Variants in TEX11 observed in about 807,000 individuals in gnomAD.
TEX11 encodes the protein testis-expressed protein 11.
In TEX11, 7 loss-of-function variants were observed where a neutral mutation model predicts 84.4. The ratio of observed to expected loss-of-function variants is 0.08; its 90% CI spans 0.05 to 0.16. TEX11 has a LOEUF of 0.16. Among genes scored for constraint, TEX11 ranks in the 10% least tolerant of loss-of-function variants. The pLI is 1.00. For synonymous variants in TEX11, 264 were observed against 222.8 expected (o/e 1.18, Z -1.64); for missense variants, 551 against 660.5 (o/e 0.83, Z 1.82).
intron 25 of TEX11, among the ~76,000 whole-genome samples, chrX:70,589,193 G>A (rs753142583): frequency 9.1e-6 from 1 of 110,157 alleles, no homozygotes; most frequent in East Asian, 2.8e-4. Flanking sequence ...ATAATGTACT[G>A]TTTTCCAATA....
At chrX:70,666,920 C>T (rs1251371437) in intron 16 of TEX11, among the ~76,000 whole-genome samples, 3 of 111,781 alleles carry the variant, frequency 2.7e-5, no homozygotes, top group African/African-American at 6.5e-5. Flanking sequence ...ACCATTCATC[C>T]GCCTCTGAAA....
intron 21 of TEX11, among the ~76,000 whole-genome samples, chrX:70,610,025 C>T (rs2089240237): frequency 9.2e-6 from 1 of 108,785 alleles, no homozygotes; most frequent in South Asian, 4.1e-4. Flanking sequence ...AAAAAAACAG[C>T]AGGGTTCAGA....
intron 8 of TEX11, among the ~76,000 whole-genome samples, chrX:70,821,266 A>C (rs1174955051): frequency 8.9e-6 from 1 of 111,996 alleles, no homozygotes; most frequent in Non-Finnish European, 1.9e-5. Context: ...AATGGCCAAC[A>C]GGTGTATGAA....
chrX:70,700,661 A>T (rs1036108636), intron 13 of TEX11, among the ~76,000 whole-genome samples: 1 of 111,467 alleles, frequency 9.0e-6, no homozygotes, highest in Non-Finnish European at 1.9e-5. Flanking sequence ...ATATTCACAT[A>T]TCTCTCATTT....
chrX:70,808,905 A>G, intron 8 of TEX11, among the ~76,000 whole-genome samples: 2 of 111,791 alleles, frequency 1.8e-5, no homozygotes, highest in East Asian at 5.6e-4. Context: ...AGACATGCAA[A>G]CTCTTCAAAC....
chrX:70,738,751 A>C (rs751090345), intron 11 of TEX11, among the ~76,000 whole-genome samples: 1 of 112,225 alleles, frequency 8.9e-6, no homozygotes, highest in South Asian at 3.8e-4. Context: ...CATATACAGC[A>C]TGGAATACTA....
intron 4 of TEX11, 49 bp downstream of exon 4, chrX:70,873,174 A>G: frequency 1.4e-6 from 1 of 734,716 alleles, no homozygotes; most frequent in Non-Finnish European, 2.1e-6. Flanking sequence ...ACTACCCAAT[A>G]TATAGTAAGA....
At chrX:70,726,894 T>C (rs2090603962) in intron 11 of TEX11, among the ~76,000 whole-genome samples, 1 of 106,194 alleles carries the variant, frequency 9.4e-6, no homozygotes. Context: ...AGTGCAGTGG[T>C]ACAAACACGG....
chrX:70,679,798 C>CCCGG (rs1455692774), intron 14 of TEX11, among the ~76,000 whole-genome samples: 2 of 101,945 alleles, frequency 2.0e-5, no homozygotes, highest in Admixed American at 1.0e-4. Flanking sequence ...CAGCCCCCCG[C>CCCGG]CCGGCCAGCC....
intron 9 of TEX11, among the ~76,000 whole-genome samples, chrX:70,771,146 A>C (rs897493095): frequency 8.9e-6 from 1 of 112,438 alleles, no homozygotes; most frequent in Non-Finnish European, 1.9e-5. Context: ...TGCTGAAAAA[A>C]CTATGATCTG....
intron 24 of TEX11, among the ~76,000 whole-genome samples, chrX:70,594,425 A>C (rs1213925731): frequency 6.3e-5 from 7 of 111,389 alleles, no homozygotes; most frequent in Non-Finnish European, 1.3e-4. Context: ...AGCATTAATT[A>C]TATAATTATA....
intron 4 of TEX11, among the ~76,000 whole-genome samples, chrX:70,868,338 C>T (rs1473403932): frequency 1.8e-5 from 2 of 112,056 alleles, no homozygotes; most frequent in African/African-American, 6.5e-5. Context: ...TACCATCTCA[C>T]TCCAGTTAGA....
chrX:70,645,849 G>T (rs112100861), intron 17 of TEX11, among the ~76,000 whole-genome samples: 6 of 110,484 alleles, frequency 5.4e-5, no homozygotes, highest in Non-Finnish European at 9.5e-5. Context: ...TACTACCCAA[G>T]GCAATCTACA....
Position 70,731,748 on chromosome X carries a change from C to T in TEX11, c.844-6405G>A, listed in dbSNP as rs1286243393. 5.5e-5 allele frequency among the ~76,000 whole-genome samples: 4 copies of T among 73,317 alleles called. No individual in the cohort carries two copies. In the South Asian group the frequency reaches 3.3e-3, roughly 60 times the overall value. 63.7% of individuals were successfully genotyped at this position (73,317 alleles called of 115,157 possible). ...GTACAAGGAGGAGCTGGTACCATTC[C>T]TTCTGAAACTATTCCAATCATAGAA... On this transcript the variant is annotated intron_variant, in intron 11 of 29. Coordinates refer to ENST00000374333, the MANE Select transcript of TEX11 (RefSeq NM_031276.3).
chrX:70,837,281 T>C (rs11094179), intron 7 of TEX11, among the ~76,000 whole-genome samples: 32,930 of 109,963 alleles, frequency 0.3, 3,804 homozygotes, highest in Admixed American at 0.45. Flanking sequence ...GAACAGGGCT[T>C]GGCACGTTGA....
intron 7 of TEX11, among the ~76,000 whole-genome samples, chrX:70,838,381 C>T (rs1470855817): frequency 8.9e-6 from 1 of 112,104 alleles, no homozygotes; most frequent in Non-Finnish European, 1.9e-5. Flanking sequence ...CAAGATGGCA[C>T]TACTGCCCTC....
At chrX:70,718,193 A>G (rs2090524198) in intron 13 of TEX11, among the ~76,000 whole-genome samples, 1 of 112,376 alleles carries the variant, frequency 8.9e-6, no homozygotes, top group East Asian at 2.8e-4. Flanking sequence ...GTACCACACT[A>G]CAGTGCAGTT....
At chrX:70,645,797 T>C (rs1459990981) in intron 17 of TEX11, among the ~76,000 whole-genome samples, 1 of 111,355 alleles carries the variant, frequency 9.0e-6, no homozygotes, top group Non-Finnish European at 1.9e-5. Context: ...AATGGAAAGA[T>C]ATCCCAGGTT....
intron 2 of TEX11, among the ~76,000 whole-genome samples, chrX:70,885,591 A>G (rs1190649910): frequency 9.0e-6 from 1 of 111,492 alleles, no homozygotes; most frequent in East Asian, 2.8e-4. Context: ...GATAACCACT[A>G]TCAAAAAATA....
Sources: gnomAD v4.1 joint callset for allele counts (sites outside exome capture counted in the v4.1 genomes callset) on GRCh38, gnomAD v4.1.1 for gene constraint, MANE v1.5 for transcripts, NCBI Gene and HGNC (gene_info 2026-07-23, HGNC 2026-07-21) for gene names.